Variants in RIMS2 observed in about 807,000 individuals in gnomAD.
RIMS2 encodes regulating synaptic membrane exocytosis protein 2.
Under a neutral mutation model 174.4 loss-of-function variants are expected in RIMS2, and 59 were observed. The observed-to-expected ratio is 0.34, with a 90% CI of 0.27 to 0.42. RIMS2 has a LOEUF of 0.42. RIMS2 is among the 10% of genes least tolerant of loss of function. The pLI, the probability that RIMS2 is intolerant of heterozygous loss-of-function variation, is 1.00. For synonymous variants in RIMS2, 606 were observed against 572.5 expected, an observed-to-expected ratio of 1.06 and a Z score of -0.84; for missense variants, 1,620 against 1,666.3, an observed-to-expected ratio of 0.97 and a Z score of 0.48.
intron 16 of RIMS2, among the ~76,000 whole-genome samples, chr8:103,981,815 C>T (rs896520921): frequency 1.3e-5 from 2 of 151,776 alleles, no homozygotes; most frequent in Non-Finnish European, 2.9e-5. Flanking sequence ...TTCAAGAGGC[C>T]ATTTGAAAAT....
At chr8:103,674,165 C>G (rs562834611) in intron 1 of RIMS2, among the ~76,000 whole-genome samples, 1 of 152,264 alleles carries the variant, frequency 6.6e-6, no homozygotes, top group African/African-American at 2.4e-5. Context: ...TTTTAGTGTC[C>G]ATACCACTAT....
intron 1 of RIMS2, among the ~76,000 whole-genome samples, chr8:103,580,727 G>A (rs1177845702): frequency 1.3e-5 from 2 of 151,736 alleles, no homozygotes; most frequent in Admixed American, 6.6e-5. Flanking sequence ...AAAGCTGACA[G>A]CCTGATTGCT....
chr8:104,082,320 C>G (rs910583451), intron 19 of RIMS2, among the ~76,000 whole-genome samples: 1 of 152,024 alleles, frequency 6.6e-6, no homozygotes, highest in African/African-American at 2.4e-5. Context: ...ATTAGAGAAA[C>G]GCATGTACAT....
At chr8:103,987,645 G>T (rs1179863954) in intron 16 of RIMS2, among the ~76,000 whole-genome samples, 2 of 151,978 alleles carry the variant, frequency 1.3e-5, no homozygotes, top group Non-Finnish European at 2.9e-5. Flanking sequence ...GTTGAGAAAA[G>T]GAAATAAGAG....
intron 3 of RIMS2, chr8:103,768,688 A>G: frequency 1.3e-6 from 1 of 775,656 alleles, no homozygotes; most frequent in South Asian, 1.3e-5. Context: ...GGGGCCCAAA[A>G]GAGCTAGCAG....
intron 19 of RIMS2, among the ~76,000 whole-genome samples, chr8:104,059,914 T>C (rs2096947658): frequency 6.6e-6 from 1 of 152,224 alleles, no homozygotes; most frequent in South Asian, 2.1e-4. Flanking sequence ...ATCCCAGGGA[T>C]GAATCCCACT....
At chr8:103,926,669 A>G (rs867323647) in intron 10 of RIMS2, among the ~76,000 whole-genome samples, 4 of 151,620 alleles carry the variant, frequency 2.6e-5, no homozygotes, top group Middle Eastern at 6.8e-3. Context: ...ACTATTTATG[A>G]TTTTGAAGTA....
intron 3 of RIMS2, among the ~76,000 whole-genome samples, chr8:103,882,434 T>C (rs969927304): frequency 3.3e-5 from 5 of 151,606 alleles, no homozygotes; most frequent in African/African-American, 1.2e-4. Context: ...GTTTGATACA[T>C]GTATTGTTAG....
At chr8:103,717,074 A>G (rs762044454) in intron 2 of RIMS2, among the ~76,000 whole-genome samples, 5 of 149,558 alleles carry the variant, frequency 3.3e-5, no homozygotes, top group Non-Finnish European at 5.9e-5. Context: ...AAGTTTTCCC[A>G]TTTCAAATTG....
At chr8:104,059,647 C>T (rs1401213416) in intron 19 of RIMS2, among the ~76,000 whole-genome samples, 1 of 145,506 alleles carries the variant, frequency 6.9e-6, no homozygotes, top group Non-Finnish European at 1.5e-5. Context: ...TGTCTTGTGC[C>T]AGTTTTCAAA....
rs1371860798 is a variant in RIMS2 at position 104,249,543 on chromosome 8, C to T, written c.3646C>T (p.Arg1216Trp). Residue 1216 changes from arginine to tryptophan, a missense_variant, in exon 22 of 24, where the codon CGG becomes TGG. This residue lies in a region of RIMS2 where 225 missense variants were observed against 306.2 expected (regional missense o/e 0.73). Transcript: ENST00000504942. The stretch of plus-strand genomic sequence containing the variant: ...GGGACAGCTGGAGGTAGAAATCATC[C>T]GGGCCCGTGGCCTTGTTGTAAAACC... 2.5e-6 allele frequency: 4 copies of T among 1,612,494 alleles called. No individual in the cohort carries two copies. The highest frequency in any genetic ancestry group is 3.4e-6 in the Non-Finnish European group (4 of 1,178,702).
chr8:103,743,907 G>T (rs776848514), intron 2 of RIMS2, among the ~76,000 whole-genome samples: 4 of 143,094 alleles, frequency 2.8e-5, no homozygotes, highest in Non-Finnish European at 5.9e-5. Context: ...TTGATTGAGA[G>T]AATCAAATGA....
chr8:103,738,483 A>G (rs2097716048), intron 2 of RIMS2, among the ~76,000 whole-genome samples: 1 of 152,234 alleles, frequency 6.6e-6, no homozygotes, highest in Non-Finnish European at 1.5e-5. Context: ...CAAGGACTTC[A>G]CGTCTAAAAC....
At chr8:104,011,449 A>AT (rs1288702616) in intron 17 of RIMS2, among the ~76,000 whole-genome samples, 1 of 152,092 alleles carries the variant, frequency 6.6e-6, no homozygotes, top group Non-Finnish European at 1.5e-5. Context: ...ATAACGAGAC[A>AT]TTTTTTGTAA....
At chr8:103,924,581 C>T (rs1212198124) in intron 10 of RIMS2, among the ~76,000 whole-genome samples, 1 of 151,474 alleles carries the variant, frequency 6.6e-6, no homozygotes, top group Non-Finnish European at 1.5e-5. Flanking sequence ...GACATTTTTG[C>T]TTTTGGTTAG....
At chr8:103,822,076 A>G (rs16870737) in intron 3 of RIMS2, among the ~76,000 whole-genome samples, 2,053 of 67,674 alleles carry the variant, frequency 0.03, 129 homozygotes, top group Admixed American at 0.21. Context: ...ATGATCTTTA[A>G]ATTGATAGAA....
chr8:103,586,805 T>G (rs2093945375), intron 1 of RIMS2, among the ~76,000 whole-genome samples: 1 of 152,012 alleles, frequency 6.6e-6, no homozygotes, highest in Non-Finnish European at 1.5e-5. Flanking sequence ...AAAAATTGGC[T>G]TTTTGAATTG....
At chr8:103,998,881 A>C (rs900972720) in intron 17 of RIMS2, among the ~76,000 whole-genome samples, 3 of 151,816 alleles carry the variant, frequency 2.0e-5, no homozygotes, top group African/African-American at 7.2e-5. Context: ...CCTTAAGGAA[A>C]TATAATTTAC....
chr8:104,092,156 A>T (rs1297911579), intron 19 of RIMS2, among the ~76,000 whole-genome samples: 1 of 151,786 alleles, frequency 6.6e-6, no homozygotes, highest in African/African-American at 2.4e-5. Context: ...CTTATATCGG[A>T]TCTACTGTTT....
Sources: allele counts gnomAD v4.1 joint callset (sites outside exome capture counted in the v4.1 genomes callset), GRCh38; gene constraint gnomAD v4.1.1; regional missense constraint gnomAD v4.1.1; transcripts MANE v1.5; gene names NCBI Gene and HGNC (gene_info 2026-07-23, HGNC 2026-07-21).